DNAH14: variants seen among roughly 807,000 people sequenced by gnomAD.
The protein encoded by DNAH14 is axonemal beta dynein heavy chain 14.
DNAH14 carries 478 observed loss-of-function variants against 520.9 expected under a neutral mutation model. The observed-to-expected ratio is 0.92, with a 90% CI of 0.85 to 0.99. DNAH14 has a LOEUF of 0.99. Ranked by LOEUF, DNAH14 falls within the 50% of genes least tolerant of loss-of-function variation. DNAH14 has a pLI of 0.00. For synonymous variants in DNAH14, 1,581 were observed against 1,757.2 expected, an observed-to-expected ratio of 0.90 and a Z score of 2.51; for missense variants, 4,831 against 5,234.5, an observed-to-expected ratio of 0.92 and a Z score of 2.38.
At chr1:225,011,011 G>C (rs1187913344) in intron 10 of DNAH14, among the ~76,000 whole-genome samples, 1 of 150,678 alleles carries the variant, frequency 6.6e-6, no homozygotes, top group Non-Finnish European at 1.5e-5. Flanking sequence ...TCTGGCTAGT[G>C]GTCTATCCAT....
intron 3 of DNAH14, among the ~76,000 whole-genome samples, chr1:224,958,811 G>A (rs2060668433): frequency 6.6e-6 from 1 of 152,096 alleles, no homozygotes; most frequent in African/African-American, 2.4e-5. Context: ...ATTTAGTATG[G>A]AGAAAGTTGG....
At chr1:225,341,165 C>T (rs909334193) in intron 69 of DNAH14, among the ~76,000 whole-genome samples, 8 of 151,940 alleles carry the variant, frequency 5.3e-5, no homozygotes, top group East Asian at 1.9e-4. Context: ...AGTGCAGTGG[C>T]GCAATCTCGG....
intron 4 of DNAH14, among the ~76,000 whole-genome samples, chr1:224,961,656 A>G (rs2060852938): frequency 6.6e-6 from 1 of 152,108 alleles, no homozygotes; most frequent in South Asian, 2.1e-4. Flanking sequence ...CCCATGATCC[A>G]CTTACTCCAC....
chr1:225,165,676 C>T (rs1446214173), intron 35 of DNAH14, among the ~76,000 whole-genome samples: 1 of 151,884 alleles, frequency 6.6e-6, no homozygotes, highest in East Asian at 1.9e-4. Context: ...GCCTCGACCT[C>T]GGGCTCAAGC....
rs569997504 is a variant in DNAH14 at position 225,232,974 on chromosome 1, G to A, written c.6518+1823G>A. Among the ~76,000 whole-genome samples the A allele has an allele frequency of 4.1e-4, 63 of 152,146 alleles. 1 individual carries two copies. The highest frequency in any genetic ancestry group is 3.4e-3 in the Middle Eastern group (1 of 294). On this transcript the variant is annotated intron_variant, in intron 42 of 85. Transcript: ENST00000682510. This position sits in a 1 kb window ranked among gnomAD's most constrained non-coding sequence, Gnocchi z 4.2. ...TCCTCCCCTGACCACCACCCCAACA[G>A]TCCCCAGTGTGTGTTGTTCCCCTGC...
intron 36 of DNAH14, among the ~76,000 whole-genome samples, chr1:225,184,217 TC>T (rs1001562089): frequency 1.3e-5 from 2 of 152,042 alleles, no homozygotes; most frequent in Non-Finnish European, 2.9e-5. Context: ...CAGCAGGACA[TC>T]AAAAAAAGTG....
intron 2 of DNAH14, among the ~76,000 whole-genome samples, chr1:224,954,012 G>C (rs541472704): frequency 3.3e-5 from 5 of 151,990 alleles, no homozygotes; most frequent in African/African-American, 1.2e-4. Flanking sequence ...TTCCAAATCA[G>C]AGATACAAAG....
At chr1:225,083,950 A>G (rs940609138) in intron 20 of DNAH14, among the ~76,000 whole-genome samples, 3 of 152,154 alleles carry the variant, frequency 2.0e-5, no homozygotes, top group African/African-American at 7.2e-5. Context: ...TGCAGACTAA[A>G]TGTAGCAGCA....
At chr1:225,336,596 A>T (rs962888519) in intron 66 of DNAH14, among the ~76,000 whole-genome samples, 2 of 152,206 alleles carry the variant, frequency 1.3e-5, no homozygotes, top group African/African-American at 4.8e-5. Context: ...TTTGAACAAC[A>T]TGAGCAACAA....
intron 21 of DNAH14, among the ~76,000 whole-genome samples, chr1:225,086,174 C>T (rs1033581882): frequency 6.6e-6 from 1 of 151,568 alleles, no homozygotes; most frequent in African/African-American, 2.4e-5. Flanking sequence ...ACTCCGTCAC[C>T]CAGGCTGGAG....
chr1:224,985,976 A>G (rs1054295457), intron 8 of DNAH14, among the ~76,000 whole-genome samples: 4 of 152,150 alleles, frequency 2.6e-5, no homozygotes, highest in East Asian at 1.9e-4. Context: ...GAGCTGGGGT[A>G]GAAAGTTTAT....
chr1:225,108,666 G>T (rs919033809), intron 23 of DNAH14, among the ~76,000 whole-genome samples: 1 of 152,098 alleles, frequency 6.6e-6, no homozygotes, highest in Non-Finnish European at 1.5e-5. Flanking sequence ...TCTGTGGGTT[G>T]TCTCTTCATT....
At chr1:225,132,514 CCAGA>C (rs2078531665) in intron 27 of DNAH14, among the ~76,000 whole-genome samples, 1 of 152,058 alleles carries the variant, frequency 6.6e-6, no homozygotes, top group Non-Finnish European at 1.5e-5. Context: ...ATAACGACTC[CCAGA>C]TCCATCCATG....
chr1:225,248,417 G>C (rs1052590701), intron 43 of DNAH14, among the ~76,000 whole-genome samples: 1 of 152,122 alleles, frequency 6.6e-6, no homozygotes, highest in East Asian at 1.9e-4. Flanking sequence ...GTGTTCAATA[G>C]GTAGTGGAAG....
intron 38 of DNAH14, among the ~76,000 whole-genome samples, chr1:225,203,051 G>A (rs138453293): frequency 6.1e-4 from 93 of 152,168 alleles, no homozygotes; most frequent in Non-Finnish European, 1.1e-3. Flanking sequence ...TCAGTATTTC[G>A]GCTGTCTCCC....
intron 8 of DNAH14, among the ~76,000 whole-genome samples, chr1:224,978,359 G>C (rs2449256): frequency 0.26 from 39,719 of 152,152 alleles, 8,054 homozygotes; most frequent in African/African-American, 0.56. Flanking sequence ...TTTATGGCAA[G>C]ATGGATGAGT....
chr1:224,941,347 C>A (rs577265911), intron 1 of DNAH14, among the ~76,000 whole-genome samples: 224 of 152,044 alleles, frequency 1.5e-3, no homozygotes, highest in African/African-American at 5.2e-3. Flanking sequence ...ATATCCTTTG[C>A]CCACTTTTTG....
chr1:225,143,008 C>G (rs1158234349), intron 28 of DNAH14, among the ~76,000 whole-genome samples: 1 of 151,878 alleles, frequency 6.6e-6, no homozygotes, highest in Non-Finnish European at 1.5e-5. Context: ...TACCTTGTTT[C>G]AAGCAACCTA....
At chr1:224,993,613 A>G (rs1228579222) in intron 8 of DNAH14, among the ~76,000 whole-genome samples, 2 of 151,492 alleles carry the variant, frequency 1.3e-5, no homozygotes, top group Admixed American at 1.3e-4. Context: ...TGTCAATTTT[A>G]TCTTTAAAAA....
Sources: allele counts gnomAD v4.1 joint callset (sites outside exome capture counted in the v4.1 genomes callset), GRCh38; gene constraint gnomAD v4.1.1; non-coding constraint Gnocchi (gnomAD v3.1); transcripts MANE v1.5; gene names NCBI Gene and HGNC (gene_info 2026-07-23, HGNC 2026-07-21).